The following SEC24A variants were observed in gnomAD, a reference collection of about 807,000 sequenced individuals.
SEC24A encodes protein transport protein Sec24A.
SEC24A carries 93 observed loss-of-function variants against 129.4 expected under a neutral mutation model. That is an observed-to-expected ratio of 0.72 (90% CI 0.61 to 0.85). The LOEUF is 0.85. Among genes scored for constraint, SEC24A ranks in the 40% least tolerant of loss-of-function variants. The pLI, the probability that SEC24A is intolerant of heterozygous loss-of-function variation, is 0.00. For synonymous variants in SEC24A, 460 were observed against 467.3 expected, an observed-to-expected ratio of 0.98 and a Z score of 0.20; for missense variants, 1,264 against 1,307.4, an observed-to-expected ratio of 0.97 and a Z score of 0.51.
In SEC24A at chr5:134,649,016, T is replaced by G; in HGVS notation, c.-61T>G. 1 of 1,261,900 alleles carries G rather than the reference T, an allele frequency of 7.9e-7. No homozygotes were observed. The highest frequency in any genetic ancestry group is 2.0e-5 in the Admixed American group (1 of 50,516). 78.2% of individuals were successfully genotyped at this position (1,261,900 alleles called of 1,614,324 possible). On this transcript the variant is annotated 5_prime_UTR_variant, in exon 1 of 23. Coordinates refer to ENST00000398844, the MANE Select transcript of SEC24A (RefSeq NM_021982.3). ...CCTCCCTCCGCTTTCAGCAGTGGTC[T>G]TTCAGCTCTCTTCTTGTGCGCTGTT...
Position 134,686,915 on chromosome 5 carries a change from A to C in SEC24A, c.1604+13A>C, listed in dbSNP as rs758063883. On this transcript the variant is annotated intron_variant, in intron 10 of 22. Transcript: ENST00000398844. ...ACAATCTGGATTTGTAAGTTTCTCAATTCAGCTTAAATATGAAACTAATAA... is the reference window on the plus strand; with the variant it reads ...ACAATCTGGATTTGTAAGTTTCTCACTTCAGCTTAAATATGAAACTAATAA... The C allele has an allele frequency of 1.4e-6, 2 of 1,403,372 alleles. No homozygotes were observed. 86.9% of individuals were successfully genotyped at this position (1,403,372 alleles called of 1,614,324 possible).
At chr5:134,661,718 T>G (rs1397638867) in intron 2 of SEC24A, 132 bp downstream of exon 2, 3 of 815,008 alleles carry the variant, frequency 3.7e-6, no homozygotes, top group Non-Finnish European at 5.6e-6. Context: ...AGTTTTTTGT[T>G]GTTTTTTGTT....
intron 1 of SEC24A, among the ~76,000 whole-genome samples, chr5:134,658,203 G>A (rs527922395): frequency 1.7e-4 from 26 of 152,154 alleles, no homozygotes; most frequent in African/African-American, 6.0e-4. Context: ...CCCAGGAGGC[G>A]GAGGTTGCAG....
chr5:134,658,580 A>T (rs1435244083), intron 1 of SEC24A, among the ~76,000 whole-genome samples: 4 of 151,866 alleles, frequency 2.6e-5, no homozygotes, highest in East Asian at 1.9e-4. Flanking sequence ...TTAATTTTTA[A>T]TTTTTTTGTG....
chr5:134,676,331 G>T (rs1389197363), intron 7 of SEC24A, among the ~76,000 whole-genome samples: 1 of 151,668 alleles, frequency 6.6e-6, no homozygotes, highest in Non-Finnish European at 1.5e-5. Context: ...GTAGAGAGGG[G>T]GTTTCACCAT....
intron 7 of SEC24A, 109 bp downstream of exon 7, chr5:134,676,234 T>A (rs1751057286): frequency 2.9e-6 from 2 of 678,376 alleles, no homozygotes; most frequent in Admixed American, 3.4e-5. Flanking sequence ...CTGCCCTCCA[T>A]GTTCAAGTGA....
chr5:134,710,813 G>T (rs1342502454), intron 18 of SEC24A, among the ~76,000 whole-genome samples: 1 of 152,110 alleles, frequency 6.6e-6, no homozygotes, highest in African/African-American at 2.4e-5. Flanking sequence ...ATTGCCTCAG[G>T]ATAAACTTCC....
intron 4 of SEC24A, among the ~76,000 whole-genome samples, chr5:134,672,089 C>T (rs772062536): frequency 3.9e-5 from 6 of 152,106 alleles, no homozygotes; most frequent in Admixed American, 1.3e-4. Flanking sequence ...GCGATCATGG[C>T]TCACTGCAGC....
intron 1 of SEC24A, among the ~76,000 whole-genome samples, chr5:134,652,499 T>C (rs1750092256): frequency 6.6e-6 from 1 of 151,754 alleles, no homozygotes; most frequent in Non-Finnish European, 1.5e-5. Flanking sequence ...TTGCCCAGGC[T>C]GGTCTCGAAC....
chr5:134,670,814 CCT>C (rs373400930), intron 3 of SEC24A, among the ~76,000 whole-genome samples: 128 of 152,044 alleles, frequency 8.4e-4, no homozygotes, highest in African/African-American at 2.9e-3. Context: ...ATGGTGAACC[CCT>C]GTCTCTACTA....
chr5:134,704,012 C>A, intron 16 of SEC24A, 80 bp downstream of exon 16: 1 of 848,332 alleles, frequency 1.2e-6, no homozygotes. Flanking sequence ...CTATAAAATA[C>A]ATGTAGCATA....
chr5:134,723,797 A>G (rs2150115918), intron 22 of SEC24A, 127 bp downstream of exon 22: 1 of 607,530 alleles, frequency 1.6e-6, no homozygotes, highest in Non-Finnish European at 2.9e-6. Context: ...AGTAAATCAT[A>G]CCTTATATCC....
intron 1 of SEC24A, among the ~76,000 whole-genome samples, chr5:134,658,607 C>T (rs1203494174): frequency 6.6e-6 from 1 of 152,102 alleles, no homozygotes; most frequent in East Asian, 1.9e-4. Context: ...TGGAGTCTCG[C>T]TGTGTTGCCC....
At chr5:134,671,560 C>T (rs965097677) in intron 3 of SEC24A, among the ~76,000 whole-genome samples, 1 of 152,082 alleles carries the variant, frequency 6.6e-6, no homozygotes, top group Non-Finnish European at 1.5e-5. Flanking sequence ...GGGCCTTTGG[C>T]TTAGGTACAA....
rs754256937 is a variant in SEC24A, at chr5:134,697,141, C to G, written c.2002C>G (p.Pro668Ala). The change falls in exon 14 of 23, where the codon CCA (proline) becomes GCA (alanine). Residue 668 changes from proline to alanine, a missense_variant. Physicochemically the swap from Pro to Ala is conservative, Grantham distance 27. Coordinates refer to ENST00000398844, the MANE Select transcript of SEC24A (RefSeq NM_021982.3). Reference protein sequence around the residue: ...RSSAKDIHMTPSTDFYKKLAL... With the variant: ...RSSAKDIHMTASTDFYKKLAL... ...TTATAAATAGGATATACACATGACA[C>G]CATCCACTGACTTCTATAAGAAATT... 3 of 1,530,740 alleles carry G rather than the reference C, an allele frequency of 2.0e-6. No homozygotes were observed. The highest frequency in any genetic ancestry group is 2.7e-6 in the Non-Finnish European group (3 of 1,111,088). 94.8% of individuals were successfully genotyped at this position (1,530,740 alleles called of 1,614,324 possible). A position where few individuals can be genotyped will look rare whatever the true frequency, so the allele number is the denominator to read the frequency against.
intron 2 of SEC24A, 122 bp downstream of exon 2, chr5:134,661,708 AGTTTTTTGTT>A (rs969147480): frequency 7.0e-6 from 6 of 861,774 alleles, no homozygotes; most frequent in African/African-American, 3.4e-5. Flanking sequence ...AATTATTAGT[AGTTTTTTGTT>A]GTTTTTTGTT....
chr5:134,663,317 C>T (rs1043772056), intron 2 of SEC24A, among the ~76,000 whole-genome samples: 1 of 152,110 alleles, frequency 6.6e-6, no homozygotes, highest in African/African-American at 2.4e-5. Context: ...GCTCACTTAA[C>T]TGCAACATAG....
chr5:134,706,950 A>G (rs943242863), intron 17 of SEC24A, among the ~76,000 whole-genome samples: 4 of 152,196 alleles, frequency 2.6e-5, no homozygotes, highest in African/African-American at 9.6e-5. Flanking sequence ...CGGCCTCCCA[A>G]AGTGCTGGGA....
chr5:134,714,881 C>T, intron 18 of SEC24A, 143 bp from the exon 19 acceptor site: 1 of 837,452 alleles, frequency 1.2e-6, no homozygotes, highest in African/African-American at 1.7e-5. Context: ...TGTGTGACTT[C>T]TTAAAAAAGA....
Sources: gnomAD v4.1 joint callset for allele counts (sites outside exome capture counted in the v4.1 genomes callset) on GRCh38, gnomAD v4.1.1 for gene constraint, MANE v1.5 for transcripts, NCBI Gene and HGNC (gene_info 2026-07-23, HGNC 2026-07-21) for gene names.